Variants in MARCHF1 observed in about 807,000 individuals in gnomAD.
MARCHF1 encodes the protein E3 ubiquitin-protein ligase MARCHF1.
Under a neutral mutation model 54.2 loss-of-function variants are expected in MARCHF1, and 40 were observed. The observed-to-expected ratio is 0.74, with a 90% CI of 0.57 to 0.96. The LOEUF (loss-of-function observed/expected upper bound fraction) is 0.96. Among genes scored for constraint, MARCHF1 ranks in the 40% least tolerant of loss-of-function variants. MARCHF1 has a pLI of 0.00. For synonymous variants in MARCHF1, 236 were observed against 236.3 expected (o/e 1.00, Z 0.01); for missense variants, 586 against 656.5 (o/e 0.89, Z 1.17).
chr4:164,109,565 A>G (rs17675783), intron 2 of MARCHF1, among the ~76,000 whole-genome samples: 127,425 of 151,740 alleles, frequency 0.84, 54,006 homozygotes, highest in Non-Finnish European at 0.89. Flanking sequence ...TGATTACTGA[A>G]AATTCTTCAT....
intron 3 of MARCHF1, among the ~76,000 whole-genome samples, chr4:163,929,969 TATA>T (rs1369694841): frequency 2.5e-5 from 3 of 118,832 alleles, no homozygotes; most frequent in African/African-American, 9.7e-5. Flanking sequence ...ATATAATATA[TATA>T]ATATATATAA....
chr4:163,640,849 A>G (rs1378312161), intron 5 of MARCHF1, among the ~76,000 whole-genome samples: 3 of 152,086 alleles, frequency 2.0e-5, no homozygotes, highest in Admixed American at 6.6e-5. Flanking sequence ...TGGGCCAATT[A>G]TTGGTTAAGG....
At chr4:163,991,190 C>G (rs954714592) in intron 2 of MARCHF1, among the ~76,000 whole-genome samples, 5 of 152,040 alleles carry the variant, frequency 3.3e-5, no homozygotes, top group Non-Finnish European at 5.9e-5. Context: ...TTTGTTATAT[C>G]TTTTTAAGCA....
chr4:163,787,204 A>C (rs1747646475), intron 4 of MARCHF1, among the ~76,000 whole-genome samples: 1 of 151,956 alleles, frequency 6.6e-6, no homozygotes, highest in Non-Finnish European at 1.5e-5. Flanking sequence ...AAGCAAAGAC[A>C]ACAAAAGAAA....
At chr4:163,883,763 A>AT (rs1414999531) in intron 3 of MARCHF1, among the ~76,000 whole-genome samples, 1 of 151,854 alleles carries the variant, frequency 6.6e-6, no homozygotes, top group African/African-American at 2.4e-5. Context: ...GGTGTCTTGT[A>AT]TTTTTTTGCT....
chr4:164,171,677 A>G (rs1363045703), intron 1 of MARCHF1, among the ~76,000 whole-genome samples: 1 of 152,210 alleles, frequency 6.6e-6, no homozygotes, highest in Non-Finnish European at 1.5e-5. Context: ...TTTAAGGAAT[A>G]ATAAACTAAA....
Position 163,615,494 on chromosome 4 carries a change from A to T in MARCHF1, c.163-2101T>A, listed in dbSNP as rs144296957. Among the ~76,000 whole-genome samples, 594 of 152,102 alleles carry T rather than the reference A, an allele frequency of 3.9e-3. 6 individuals are homozygous for T. Among genetic ancestry groups the T allele is most frequent in the African/African-American group, 0.014 (574 of 41,508 alleles). ...CCCATTTATAATGATGACCAAAAAA[A>T]CCCCACTTAGGAATAAATTTAACTA... is the stretch of plus-strand genomic sequence containing the variant. On this transcript the variant is annotated intron_variant, in intron 5 of 9. Coordinates refer to ENST00000514618, the MANE Select transcript of MARCHF1 (RefSeq NM_001394959.1).
intron 7 of MARCHF1, among the ~76,000 whole-genome samples, chr4:163,603,528 G>T (rs1454798341): frequency 6.6e-6 from 1 of 152,038 alleles, no homozygotes; most frequent in Non-Finnish European, 1.5e-5. Flanking sequence ...AAACATACAG[G>T]ATGTCCAGCC....
chr4:164,313,592 G>C (rs1442742521), intron 1 of MARCHF1, among the ~76,000 whole-genome samples: 2 of 152,102 alleles, frequency 1.3e-5, no homozygotes, highest in Non-Finnish European at 2.9e-5. Flanking sequence ...CAGGGCTCCA[G>C]CTTCCTCTTT....
At chr4:163,642,747 G>C (rs2111038058) in intron 5 of MARCHF1, among the ~76,000 whole-genome samples, 1 of 152,188 alleles carries the variant, frequency 6.6e-6, no homozygotes, top group South Asian at 2.1e-4. Context: ...ATAGGTTTCT[G>C]AGTCTGTCAA....
At chr4:164,313,182 CAAAAAA>C (rs140895798) in intron 1 of MARCHF1, among the ~76,000 whole-genome samples, 1 of 119,358 alleles carries the variant, frequency 8.4e-6, no homozygotes, top group Non-Finnish European at 1.7e-5. Context: ...ACTAAAAATA[CAAAAAA>C]AAAAAAAAAA....
intron 3 of MARCHF1, among the ~76,000 whole-genome samples, chr4:163,933,928 T>C (rs1751735932): frequency 6.6e-6 from 1 of 152,258 alleles, no homozygotes; most frequent in South Asian, 2.1e-4. Context: ...CCTCCTGCCT[T>C]TGTAGTTCTG....
intron 1 of MARCHF1, chr4:164,189,973 C>T (rs1488412749): frequency 1.3e-6 from 2 of 1,513,496 alleles, no homozygotes; most frequent in African/African-American, 2.7e-5. Flanking sequence ...AATCACCTGA[C>T]ACCTGAAGAA....
At chr4:164,286,224 G>A (rs1734144199) in intron 1 of MARCHF1, among the ~76,000 whole-genome samples, 2 of 152,068 alleles carry the variant, frequency 1.3e-5, no homozygotes, top group African/African-American at 4.8e-5. Flanking sequence ...TGTTTAGACT[G>A]GCAACCTTAC....
At chr4:163,858,110 G>T (rs928840996) in intron 3 of MARCHF1, among the ~76,000 whole-genome samples, 4 of 132,108 alleles carry the variant, frequency 3.0e-5, no homozygotes, top group South Asian at 2.7e-4. Context: ...GTGGGGGGGG[G>T]GGGGCATCAT....
chr4:163,715,398 A>G (rs1368967451), intron 4 of MARCHF1, among the ~76,000 whole-genome samples: 1 of 152,180 alleles, frequency 6.6e-6, no homozygotes, highest in Non-Finnish European at 1.5e-5. Flanking sequence ...GGCGCCCGCC[A>G]CCAGATGAGC....
At chr4:164,276,969 CAGAG>C (rs1553997988) in intron 1 of MARCHF1, among the ~76,000 whole-genome samples, 11 of 124,864 alleles carry the variant, frequency 8.8e-5, no homozygotes, top group African/African-American at 3.2e-4. Flanking sequence ...GAGAGAGAGA[CAGAG>C]AGAGAGAGAA....
At chr4:163,583,647 TGTGTG>T (rs1383069865) in intron 8 of MARCHF1, 1 of 83,502 alleles carries the variant, frequency 1.2e-5, no homozygotes, top group Non-Finnish European at 2.2e-5. Flanking sequence ...TTTTGTTTTT[TGTGTG>T]TTTTTTTTTT....
intron 3 of MARCHF1, among the ~76,000 whole-genome samples, chr4:163,953,426 G>C (rs1752172666): frequency 6.6e-6 from 1 of 152,140 alleles, no homozygotes; most frequent in Non-Finnish European, 1.5e-5. Flanking sequence ...TAAACAAGAT[G>C]AAATATATAA....
Sources: gnomAD v4.1 joint callset for allele counts (sites outside exome capture counted in the v4.1 genomes callset) on GRCh38, gnomAD v4.1.1 for gene constraint, MANE v1.5 for transcripts, NCBI Gene and HGNC (gene_info 2026-07-23, HGNC 2026-07-21) for gene names.